PRMT8: variants seen among roughly 807,000 people sequenced by gnomAD.
PRMT8 encodes protein arginine N-methyltransferase 8.
PRMT8 carries 7 observed loss-of-function variants against 47.1 expected under a neutral mutation model. That is an observed-to-expected ratio of 0.15 (90% CI 0.08 to 0.28). PRMT8 has a LOEUF of 0.28. PRMT8 is among the 10% of genes least tolerant of loss of function. The probability of loss-of-function intolerance (pLI) is 1.00; values close to 1 mark genes in which losing one functional copy is unlikely to be tolerated. For synonymous variants in PRMT8, 188 were observed against 186.5 expected (o/e 1.01, Z -0.07); for missense variants, 237 against 505.4 (o/e 0.47, Z 5.09).
At chr12:3,446,573 G>T (rs1864857796) in intron 1 of PRMT8, among the ~76,000 whole-genome samples, 2 of 152,100 alleles carry the variant, frequency 1.3e-5, no homozygotes, top group South Asian at 4.2e-4. Flanking sequence ...TTAATTCCAG[G>T]ACTTTCCATC....
intron 1 of PRMT8, among the ~76,000 whole-genome samples, chr12:3,440,538 C>T (rs1190690695): frequency 6.6e-6 from 1 of 151,998 alleles, no homozygotes; most frequent in East Asian, 1.9e-4. Flanking sequence ...CAGTAACATA[C>T]ATGTGATGTC....
At chr12:3,431,901 C>T (rs551549292) in intron 1 of PRMT8, among the ~76,000 whole-genome samples, 9 of 152,144 alleles carry the variant, frequency 5.9e-5, no homozygotes, top group Non-Finnish European at 1.2e-4. Flanking sequence ...GGAGGAACCT[C>T]GCTGGCAGCA....
At chr12:3,565,430 G>C (rs1397492127) in intron 4 of PRMT8, among the ~76,000 whole-genome samples, 1 of 152,198 alleles carries the variant, frequency 6.6e-6, no homozygotes, top group Non-Finnish European at 1.5e-5. Context: ...CTAAAAGCCA[G>C]TCCAGCACTG....
At chr12:3,511,157 GCT>G (rs932744459) in intron 1 of PRMT8, among the ~76,000 whole-genome samples, 1 of 152,152 alleles carries the variant, frequency 6.6e-6, no homozygotes, top group African/African-American at 2.4e-5. Context: ...TTATAACCTT[GCT>G]CTCTCAGGGG....
rs146228449 is a variant in PRMT8, at chr12:3,593,259, G to A, written c.*77G>A. 20 of 1,258,596 alleles carry A rather than the reference G, an allele frequency of 1.6e-5. No homozygotes were observed. In the Admixed American group the frequency reaches 2.2e-4, roughly 14 times the overall value. The allele number at this position is 1,258,596 out of a possible 1,614,324, so 78.0% of individuals were successfully genotyped here. A position where few individuals can be genotyped will look rare whatever the true frequency, so the allele number is the denominator to read the frequency against. On this transcript the variant is annotated 3_prime_UTR_variant, in exon 10 of 10. Coordinates refer to ENST00000382622, the MANE Select transcript of PRMT8 (RefSeq NM_019854.5). The surrounding 1 kb of genome is among the most constrained non-coding windows in gnomAD (Gnocchi z 4.8). ...CTGCCGTGCCGTCCCAAAGAATACCGTTTGCAGGACTACACACTTGAAAAC... is the reference window on the plus strand; with the variant it reads ...CTGCCGTGCCGTCCCAAAGAATACCATTTGCAGGACTACACACTTGAAAAC...
At chr12:3,496,057 G>T (rs1865499373) in intron 1 of PRMT8, among the ~76,000 whole-genome samples, 1 of 151,566 alleles carries the variant, frequency 6.6e-6, no homozygotes, top group Admixed American at 6.6e-5. Context: ...CTGAGCTACT[G>T]CTTGCTTTAC....
At chr12:3,445,181 C>T (rs965279616) in intron 1 of PRMT8, among the ~76,000 whole-genome samples, 5 of 152,194 alleles carry the variant, frequency 3.3e-5, no homozygotes, top group African/African-American at 1.2e-4. Flanking sequence ...CTCATGGGTT[C>T]TCCTCATTGT....
intron 1 of PRMT8, among the ~76,000 whole-genome samples, chr12:3,480,496 C>A (rs958855464): frequency 6.6e-6 from 1 of 152,136 alleles, no homozygotes; most frequent in Non-Finnish European, 1.5e-5. Context: ...ACCAGGAATA[C>A]GAGGGACTTT....
intron 1 of PRMT8, among the ~76,000 whole-genome samples, chr12:3,417,752 C>T (rs768824457): frequency 9.9e-5 from 15 of 152,126 alleles, no homozygotes; most frequent in Non-Finnish European, 1.9e-4. Context: ...TTATTTTTCC[C>T]ATTATTGAAG....
intron 1 of PRMT8, among the ~76,000 whole-genome samples, chr12:3,525,943 GC>G (rs1223688154): frequency 6.6e-6 from 1 of 151,970 alleles, no homozygotes; most frequent in Non-Finnish European, 1.5e-5. Context: ...CATTCACATT[GC>G]AGTGCAACCA....
Position 3,540,762 on chromosome 12 carries a change from G to A in PRMT8, c.232G>A (p.Asp78Asn), listed in dbSNP as rs1866213893. The change falls in exon 2 of 10, where the codon GAC (aspartate) becomes AAC (asparagine). Residue 78 changes from aspartate (D) to asparagine (N), a missense_variant. Around this residue, in one of 5 missense-constraint regions of PRMT8, gnomAD observed 32 missense variants for 73.7 expected, o/e 0.43. Coordinates refer to ENST00000382622, the MANE Select transcript of PRMT8 (RefSeq NM_019854.5). Reference sequence around the variant, plus strand: ...GATGACCTCGAGAGATTATTACTTCGACTCCTATGCCCACTTTGGGATCCA... The same window carrying A: ...GATGACCTCGAGAGATTATTACTTCAACTCCTATGCCCACTTTGGGATCCA... ...EEMTSRDYYF[D>N]SYAHFGIHEE... 6.2e-7 allele frequency: 1 copy of A among 1,614,094 alleles called. No homozygotes were observed. The highest frequency in any genetic ancestry group is 1.1e-5 in the South Asian group (1 of 91,070).
At chr12:3,428,456 G>A (rs1864631268) in intron 1 of PRMT8, among the ~76,000 whole-genome samples, 1 of 152,042 alleles carries the variant, frequency 6.6e-6, no homozygotes, top group Non-Finnish European at 1.5e-5. Flanking sequence ...GGCCAGCTGC[G>A]GGTCACTGGG....
chr12:3,506,673 A>C (rs1172610368), intron 1 of PRMT8, among the ~76,000 whole-genome samples: 1 of 152,134 alleles, frequency 6.6e-6, no homozygotes, highest in Non-Finnish European at 1.5e-5. Flanking sequence ...TGGAGTTCCT[A>C]CAGGTGTGAG....
intron 1 of PRMT8, among the ~76,000 whole-genome samples, chr12:3,450,926 A>C (rs1294441795): frequency 6.6e-6 from 1 of 151,768 alleles, no homozygotes; most frequent in Non-Finnish European, 1.5e-5. Flanking sequence ...TGCTAAGGCA[A>C]AGCAGTTTCA....
At chr12:3,428,692 TTC>T (rs1328531920) in intron 1 of PRMT8, among the ~76,000 whole-genome samples, 2 of 152,176 alleles carry the variant, frequency 1.3e-5, no homozygotes, top group Non-Finnish European at 2.9e-5. Flanking sequence ...CTGTATTTCT[TTC>T]TCTCTTTGAC....
Position 3,583,003 on chromosome 12 carries a change from C to A in PRMT8, c.829-55C>A. On this transcript the variant is annotated intron_variant, in intron 7 of 9. Transcript: ENST00000382622. The surrounding 1 kb of genome is among the most constrained non-coding windows in gnomAD (Gnocchi z 4.7). ...CACAGAACGAGGCTGCTGACCGGGA[C>A]CCAGACTTGGTGGAGGCGATAAGTT... 1 of 1,584,288 alleles carries A rather than the reference C, an allele frequency of 6.3e-7. No individual in the cohort carries two copies. The highest frequency in any genetic ancestry group is 8.6e-7 in the Non-Finnish European group (1 of 1,163,222).
rs1390984641 is a variant in PRMT8 at position 3,514,897 on chromosome 12, C to T, written c.75+23197C>T. ...ACATCTAGGGGTCATCCTGGAGCTC[C>T]TCTCTTACCAATCCCAGGCAACTGC... On this transcript the variant is annotated intron_variant, in intron 1 of 9. Coordinates refer to ENST00000382622, the MANE Select transcript of PRMT8 (RefSeq NM_019854.5). The surrounding 1 kb of genome is among the most constrained non-coding windows in gnomAD (Gnocchi z 5.9). Among the ~76,000 whole-genome samples, 2 of 152,212 alleles carry T rather than the reference C, an allele frequency of 1.3e-5. No homozygotes were observed. Among genetic ancestry groups the T allele is most frequent in the African/African-American group, 2.4e-5 (1 of 41,466 alleles).
At chr12:3,589,950 G>T (rs1412994352) in intron 8 of PRMT8, among the ~76,000 whole-genome samples, 1 of 151,986 alleles carries the variant, frequency 6.6e-6, no homozygotes, top group Non-Finnish European at 1.5e-5. Context: ...AAGTGGGGGC[G>T]AGAGTGCTGT....
rs547534829 is a variant in PRMT8 at position 3,396,819 on chromosome 12, G to A, written c.48+15377G>A. 3.0e-3 allele frequency among the ~76,000 whole-genome samples: 456 copies of A among 151,936 alleles called. 1 individual carries two copies. Among genetic ancestry groups the A allele is most frequent in the Non-Finnish European group, 3.7e-3 (253 of 67,890 alleles). On this transcript the variant is annotated intron_variant, in intron 1 of 9. Transcript: ENST00000452611. ...ATCCTGCAGAGTGTTTTCCAACTTGGTTCCATTCTCCCCGTCACTTTCAGG... is the reference window on the plus strand; with the variant it reads ...ATCCTGCAGAGTGTTTTCCAACTTGATTCCATTCTCCCCGTCACTTTCAGG...
Sources: allele counts gnomAD v4.1 joint callset (sites outside exome capture counted in the v4.1 genomes callset), GRCh38; gene constraint gnomAD v4.1.1; regional missense constraint gnomAD v4.1.1; non-coding constraint Gnocchi (gnomAD v3.1); transcripts MANE v1.5; gene names NCBI Gene and HGNC (gene_info 2026-07-23, HGNC 2026-07-21).